Variants in SV2B observed in about 807,000 individuals in gnomAD.
The protein encoded by SV2B is solute carrier family 22 member B2.
SV2B carries 41 observed loss-of-function variants against 73.9 expected under a neutral mutation model. The ratio of observed to expected loss-of-function variants is 0.56; its 90% CI spans 0.43 to 0.72. SV2B has a LOEUF of 0.72. SV2B is among the 30% of genes least tolerant of loss of function. The pLI, the probability that SV2B is intolerant of heterozygous loss-of-function variation, is 0.00. For synonymous variants in SV2B, 314 were observed against 314.2 expected, an observed-to-expected ratio of 1.00 and a Z score of 0.01; for missense variants, 764 against 857.8, an observed-to-expected ratio of 0.89 and a Z score of 1.37.
intron 1 of SV2B, among the ~76,000 whole-genome samples, chr15:91,184,255 GAA>G (rs2044691227): frequency 6.6e-6 from 1 of 152,194 alleles, no homozygotes; most frequent in Admixed American, 6.5e-5. Context: ...CTCTCAGTAA[GAA>G]AGGTAATTTA....
chr15:91,262,252 AAAAAACAAAAAC>A (rs372394399), intron 6 of SV2B, among the ~76,000 whole-genome samples: 3 of 152,160 alleles, frequency 2.0e-5, no homozygotes, highest in African/African-American at 4.8e-5. Flanking sequence ...GTAAAACACC[AAAAAACAAAAAC>A]AAAAACAAAA....
chr15:91,292,474 T>C lies in SV2B; in HGVS notation c.1974T>C (p.Leu658=). Residue 658 remains leucine (L), a synonymous_variant, in exon 13 of 13, where the codon CTT becomes CTC. Coordinates refer to ENST00000394232, the MANE Select transcript of SV2B (RefSeq NM_001323032.3). Reference sequence around the variant, plus strand: ...GGATAACCAAAGTGGTCCCCATCCTTCTGGCTGCTGCTTCTCTGGTTGGGG... The same window carrying C: ...GGATAACCAAAGTGGTCCCCATCCTCCTGGCTGCTGCTTCTCTGGTTGGGG... ...FVGITKVVPI[L]LAAASLVGGG... 6.2e-7 allele frequency: 1 copy of C among 1,614,202 alleles called. No individual in the cohort carries two copies. Among genetic ancestry groups the C allele is most frequent in the Non-Finnish European group, 8.5e-7 (1 of 1,180,026 alleles).
Position 91,267,787 on chromosome 15 carries a change from G to A in SV2B, c.1208+144G>A, listed in dbSNP as rs1344425561. 9 of 675,654 alleles carry A rather than the reference G, an allele frequency of 1.3e-5. No homozygotes were observed. Among genetic ancestry groups the A allele is most frequent in the Non-Finnish European group, 2.3e-5 (9 of 385,484 alleles). 41.9% of individuals were successfully genotyped at this position (675,654 alleles called of 1,614,324 possible). A position where few individuals can be genotyped will look rare whatever the true frequency, so the allele number is the denominator to read the frequency against. Reference sequence around the variant, plus strand: ...AAGTAGCAGAAAACCAACTCTAGTGGCTTCTACAAAGAAGAAACTTTTTTT... The same window carrying A: ...AAGTAGCAGAAAACCAACTCTAGTGACTTCTACAAAGAAGAAACTTTTTTT... On this transcript the variant is annotated intron_variant, in intron 8 of 12. Coordinates refer to ENST00000394232, the MANE Select transcript of SV2B (RefSeq NM_001323032.3). The surrounding 1 kb of genome is among the most constrained non-coding windows in gnomAD (Gnocchi z 4.3).
At chr15:91,168,095 T>C (rs2043978980) in intron 1 of SV2B, among the ~76,000 whole-genome samples, 1 of 152,160 alleles carries the variant, frequency 6.6e-6, no homozygotes, top group South Asian at 2.1e-4. Context: ...ATTCTGTGTA[T>C]ACACAGCTTG....
intron 1 of SV2B, among the ~76,000 whole-genome samples, chr15:91,199,759 C>T (rs1173350644): frequency 6.6e-6 from 1 of 152,200 alleles, no homozygotes; most frequent in Admixed American, 6.5e-5. Flanking sequence ...TTTTTGGACG[C>T]ACACAGCGGG....
rs530483459 is a variant in SV2B at position 91,132,682 on chromosome 15, A to G, written c.-392+32319A>G. On this transcript the variant is annotated intron_variant, in intron 1 of 12. Transcript: ENST00000394232. The surrounding 1 kb of genome is among the most constrained non-coding windows in gnomAD (Gnocchi z 4.6). Reference sequence around the variant, plus strand: ...TGAAACATTTAGGTTTTTTGCCTCCAGACCCTATTTCTCCTGCCTCAGTGG... The same window carrying G: ...TGAAACATTTAGGTTTTTTGCCTCCGGACCCTATTTCTCCTGCCTCAGTGG... Among the ~76,000 whole-genome samples, 1 of 152,180 alleles carries G rather than the reference A, an allele frequency of 6.6e-6. No individual in the cohort carries two copies. Among genetic ancestry groups the G allele is most frequent in the African/African-American group, 2.4e-5 (1 of 41,518 alleles).
rs2048138420 is a variant in SV2B at position 91,267,285 on chromosome 15, ACT to A, written c.1120-268_1120-267del. On this transcript the variant is annotated intron_variant, in intron 7 of 12. Coordinates refer to ENST00000394232, the MANE Select transcript of SV2B (RefSeq NM_001323032.3). The surrounding 1 kb of genome is among the most constrained non-coding windows in gnomAD (Gnocchi z 4.3). ...GGTTACTCAGTGCCTTGAAGTCCTA[ACT>A]CAGTGTGCTTTCAATCACATTCATG... Among the ~76,000 whole-genome samples the A allele has an allele frequency of 6.6e-6, 1 of 152,154 alleles. No homozygotes were observed. The highest frequency in any genetic ancestry group is 1.5e-5 in the Non-Finnish European group (1 of 68,018).
At position 91,288,065 on chromosome 15, in the gene SV2B, C is replaced by T. The variant is rs537582824; in HGVS notation, c.1709-1456C>T. ...CTGATAAGAAAGTCCATGGGGTTAG[C>T]GTGTAGAGGGTATGTACAGAGCACA... On this transcript the variant is annotated intron_variant, in intron 11 of 12. Transcript: ENST00000394232. This position sits in a 1 kb window ranked among gnomAD's most constrained non-coding sequence, Gnocchi z 5.8. 6.6e-6 allele frequency among the ~76,000 whole-genome samples: 1 copy of T among 152,118 alleles called. No individual in the cohort carries two copies. Among genetic ancestry groups the T allele is most frequent in the East Asian group, 1.9e-4 (1 of 5,158 alleles).
At chr15:91,209,107 G>GTTTT (rs1362781398) in intron 1 of SV2B, among the ~76,000 whole-genome samples, 5 of 121,952 alleles carry the variant, frequency 4.1e-5, no homozygotes, top group African/African-American at 1.1e-4. Context: ...TGGCAGTACT[G>GTTTT]TTTTTTGTTT....
rs79977430 is a variant in SV2B, at chr15:91,139,897, G to A, written c.-392+39534G>A. Among the ~76,000 whole-genome samples, 4 of 152,092 alleles carry A rather than the reference G, an allele frequency of 2.6e-5. No homozygotes were observed. The highest frequency in any genetic ancestry group is 1.9e-4 in the East Asian group (1 of 5,206). ...GTAGCCAAGGAAGGGAGGAAGATCC[G>A]GCCACTTTGTTCCTAGAGTTTGGTG... On this transcript the variant is annotated intron_variant, in intron 1 of 12. Transcript: ENST00000394232. This position sits in a 1 kb window ranked among gnomAD's most constrained non-coding sequence, Gnocchi z 5.2.
At position 91,266,447 on chromosome 15, in the gene SV2B, T is replaced by A. The variant is rs143685256; in HGVS notation, c.1009-135T>A. The A allele has an allele frequency of 8.9e-4, 567 of 639,002 alleles. 3 individuals carry two copies. In the African/African-American group the frequency reaches 9.5e-3, roughly 11 times the overall value. The allele number at this position is 639,002 out of a possible 1,614,324, so 39.6% of individuals were successfully genotyped here. A position where few individuals can be genotyped will look rare whatever the true frequency, so the allele number is the denominator to read the frequency against. On this transcript the variant is annotated intron_variant, in intron 6 of 12. Transcript: ENST00000394232. ...GGTGATGGAAACAGTTTTTGAATTT[T>A]TTTGAGTATGCTCTTTGAGAAATCG... is the stretch of plus-strand genomic sequence containing the variant.
At position 91,284,075 on chromosome 15, in the gene SV2B, A is replaced by G. The variant is rs2048775473; in HGVS notation, c.1562A>G (p.Glu521Gly). Reference sequence around the variant, plus strand: ...CGGTTTATCAACTCCACCTTCCTGGAGCAGAAGGAGGGCTGCCACATGGAC... The same window carrying G: ...CGGTTTATCAACTCCACCTTCCTGGGGCAGAAGGAGGGCTGCCACATGGAC... The part of the protein sequence containing the change: ...NCRFINSTFL[E>G]QKEGCHMDLE... The change falls in exon 11 of 13, where the codon GAG (glutamate) becomes GGG (glycine). Residue 521 changes from glutamate to glycine, a missense_variant. Physicochemically the swap from Glu to Gly is moderately conservative, Grantham distance 98. Coordinates refer to ENST00000394232, the MANE Select transcript of SV2B (RefSeq NM_001323032.3). This position sits in a 1 kb window ranked among gnomAD's most constrained non-coding sequence, Gnocchi z 4.5. 3 of 1,614,010 alleles carry G rather than the reference A, an allele frequency of 1.9e-6. No homozygotes were observed. The highest frequency in any genetic ancestry group is 2.7e-5 in the African/African-American group (2 of 74,890).
chr15:91,152,578 G>C (rs1029728254), intron 1 of SV2B, among the ~76,000 whole-genome samples: 4 of 152,140 alleles, frequency 2.6e-5, no homozygotes, highest in Non-Finnish European at 5.9e-5. Flanking sequence ...AAACAGTATT[G>C]CTTTCATATA....
At chr15:91,158,727 T>TC (rs2043602550) in intron 1 of SV2B, among the ~76,000 whole-genome samples, 1 of 103,610 alleles carries the variant, frequency 9.7e-6, no homozygotes, top group Admixed American at 1.0e-4. Flanking sequence ...TCCTCTCCTC[T>TC]CTTCTCCTCT....
At chr15:91,147,825 G>C (rs898859384) in intron 1 of SV2B, among the ~76,000 whole-genome samples, 1 of 152,062 alleles carries the variant, frequency 6.6e-6, no homozygotes, top group Non-Finnish European at 1.5e-5. Context: ...GATGGCAGAT[G>C]TTACAGGACT....
intron 1 of SV2B, among the ~76,000 whole-genome samples, chr15:91,181,726 G>A (rs893002553): frequency 6.6e-6 from 1 of 151,548 alleles, no homozygotes; most frequent in Non-Finnish European, 1.5e-5. Context: ...CAACCATCAT[G>A]AGGCTGTCAA....
At chr15:91,185,997 G>T (rs2044755367) in intron 1 of SV2B, among the ~76,000 whole-genome samples, 1 of 152,172 alleles carries the variant, frequency 6.6e-6, no homozygotes, top group Admixed American at 6.5e-5. Context: ...CTGTCCCCCA[G>T]ACCCCTGCTT....
chr15:91,302,238 A>G lies in SV2B; in HGVS notation c.*9686A>G, dbSNP rs189811420. On this transcript the variant is annotated 3_prime_UTR_variant, in exon 13 of 13. Transcript: ENST00000394232. ...TGGTGAGGAGCAAGTGAAGTGTCAT[A>G]TGTAAAAGAGTTAATTCTCAGATTG... Among the ~76,000 whole-genome samples, 1 of 152,320 alleles carries G rather than the reference A, an allele frequency of 6.6e-6. No homozygotes were observed. Among genetic ancestry groups the G allele is most frequent in the Non-Finnish European group, 1.5e-5 (1 of 68,032 alleles).
At chr15:91,194,842 G>A (rs1253020760) in intron 1 of SV2B, among the ~76,000 whole-genome samples, 1 of 152,152 alleles carries the variant, frequency 6.6e-6, no homozygotes. Context: ...TTCAAGTGTG[G>A]CAGTGTGGCT....
Sources: gnomAD v4.1 joint callset for allele counts (sites outside exome capture counted in the v4.1 genomes callset) on GRCh38, gnomAD v4.1.1 for gene constraint, Gnocchi (gnomAD v3.1) non-coding constraint, MANE v1.5 for transcripts, NCBI Gene and HGNC (gene_info 2026-07-23, HGNC 2026-07-21) for gene names.